Variants in USP50 observed in about 807,000 individuals in gnomAD.
The protein encoded by USP50 is ubiquitin specific peptidase 50, also known as ubiquitin carboxyl-terminal hydrolase 50.
USP50 carries 37 observed loss-of-function variants against 39.2 expected under a neutral mutation model. The observed-to-expected ratio is 0.94, with a 90% CI of 0.73 to 1.24. USP50 has a LOEUF of 1.24. USP50 is among the 50% of genes most tolerant of loss of function. The pLI is 0.00. For missense variants in USP50, 374 were observed against 398.2 expected, an observed-to-expected ratio of 0.94 and a Z score of 0.52; for synonymous variants, 139 against 144.5, an observed-to-expected ratio of 0.96 and a Z score of 0.27.
At chr15:50,500,047 G>A (rs991352062), downstream of USP50, 3 of 151,986 alleles carry the variant, frequency 2.0e-5, no homozygotes, top group African/African-American at 4.8e-5. Context: ...TTATTTAACC[G>A]AGGGACTCAG....
chr15:50,506,465 C>T (rs943503159), intron 6 of USP50: 1 of 152,122 alleles, frequency 6.6e-6, no homozygotes, highest in African/African-American at 2.4e-5. Context: ...CGGCCCCCAT[C>T]CATGGGAAAA....
intron 5 of USP50, among the ~76,000 whole-genome samples, chr15:50,530,204 C>T (rs2052929427): frequency 6.6e-6 from 1 of 152,030 alleles, no homozygotes; most frequent in South Asian, 2.1e-4. Context: ...ATCACCTGAG[C>T]ATAGGGAGGC....
chr15:50,493,636 T>G, downstream of USP50: 1 of 387,292 alleles, frequency 2.6e-6, no homozygotes, highest in South Asian at 1.9e-5. Flanking sequence ...TCCCTGCTAC[T>G]TGGGAGGCTA....
intron 6 of USP50, among the ~76,000 whole-genome samples, chr15:50,529,310 G>C (rs577736256): frequency 6.8e-6 from 1 of 147,724 alleles, no homozygotes; most frequent in Non-Finnish European, 1.5e-5. Flanking sequence ...AGGAGTTCAA[G>C]ACCAGCATGG....
Position 50,544,759 on chromosome 15 carries a change from C to A in USP50, c.76G>T (p.Asp26Tyr). Residue 26 changes from aspartate (D) to tyrosine (Y), a missense_variant, in exon 2 of 7, where the codon GAT (aspartate) becomes TAT (tyrosine). Transcript: ENST00000532404. The part of the protein sequence containing the change: ...HVLAECTDYY[D>Y]TLPVKEADGN... ...TCAGCCTCCTTAACTGGAAGGGTAT[C>A]ATAGTAATCTGTGCACTCTGCACTG... 3 of 1,613,954 alleles carry A rather than the reference C, an allele frequency of 1.9e-6. No homozygotes were observed. Among genetic ancestry groups the A allele is most frequent in the Non-Finnish European group, 2.5e-6 (3 of 1,179,878 alleles).
At chr15:50,512,870 T>C (rs971585907) in intron 6 of USP50, 3 of 152,144 alleles carry the variant, frequency 2.0e-5, no homozygotes, top group Non-Finnish European at 4.4e-5. Flanking sequence ...GAACTATCTC[T>C]AAGAACTTCT....
At chr15:50,542,462 G>GT (rs889254066) in intron 3 of USP50, among the ~76,000 whole-genome samples, 8,853 of 107,720 alleles carry the variant, frequency 0.082, 396 homozygotes, top group African/African-American at 0.16. Context: ...ATATGTTTTT[G>GT]TTTTTTTTTT....
At chr15:50,545,132 A>G (rs1385296093) in intron 1 of USP50, among the ~76,000 whole-genome samples, 1 of 152,168 alleles carries the variant, frequency 6.6e-6, no homozygotes, top group Non-Finnish European at 1.5e-5. Flanking sequence ...AACTGTGAAC[A>G]AGTACCTGAA....
chr15:50,544,574 C>T lies in USP50; in HGVS notation c.248+13G>A. Reference sequence around the variant, plus strand: ...GGTGGGGGCTGGGCTGCAGGGAATGCAAATGGTCTTACTTTTGCAGAGCGG... The same window carrying T: ...GGTGGGGGCTGGGCTGCAGGGAATGTAAATGGTCTTACTTTTGCAGAGCGG... On this transcript the variant is annotated intron_variant, in intron 2 of 6. Coordinates refer to ENST00000532404, the MANE Select transcript of USP50 (RefSeq NM_203494.5). 6.2e-7 allele frequency: 1 copy of T among 1,608,958 alleles called. No homozygotes were observed. The highest frequency in any genetic ancestry group is 8.5e-7 in the Non-Finnish European group (1 of 1,177,258).
chr15:50,500,741 C>T lies in USP50; in HGVS notation c.*28G>A. ...TTTTGAACAGAAGTATCTGGAATCT[C>T]ACTGACTCGTGTGTTATCAAAGCTA... On this transcript the variant is annotated 3_prime_UTR_variant, in exon 7 of 7. Coordinates refer to ENST00000532404, the MANE Select transcript of USP50 (RefSeq NM_203494.5). 1 of 1,567,172 alleles carries T rather than the reference C, an allele frequency of 6.4e-7. No homozygotes were observed. Among genetic ancestry groups the T allele is most frequent in the Non-Finnish European group, 8.7e-7 (1 of 1,154,130 alleles).
chr15:50,500,408 TG>T (rs1274004740), downstream of USP50: 1 of 173,496 alleles, frequency 5.8e-6, no homozygotes, highest in African/African-American at 2.3e-5. Context: ...ACTATATAAT[TG>T]CAGTGTTTTG....
At chr15:50,544,986 C>G (rs1225567787) in intron 1 of USP50, among the ~76,000 whole-genome samples, 1 of 152,024 alleles carries the variant, frequency 6.6e-6, no homozygotes, top group African/African-American at 2.4e-5. Flanking sequence ...ACCTGTAATC[C>G]CAGCCCTTTG....
chr15:50,522,723 C>G (rs2052859746), intron 6 of USP50, among the ~76,000 whole-genome samples: 1 of 151,892 alleles, frequency 6.6e-6, no homozygotes, highest in African/African-American at 2.4e-5. Context: ...TACAATGGTG[C>G]AGACCTCCAC....
chr15:50,539,392 T>G (rs200834231), intron 4 of USP50, among the ~76,000 whole-genome samples: 5 of 69,418 alleles, frequency 7.2e-5, no homozygotes, highest in Non-Finnish European at 1.1e-4. Context: ...AACTTTTCTG[T>G]TTTTTTTTTT....
chr15:50,521,749 G>A (rs1291101877), intron 6 of USP50, among the ~76,000 whole-genome samples: 2 of 151,924 alleles, frequency 1.3e-5, no homozygotes, highest in African/African-American at 2.4e-5. Flanking sequence ...GATCACTTGA[G>A]GTCAGGAGTT....
chr15:50,544,115 T>C, intron 2 of USP50: 1 of 317,404 alleles, frequency 3.2e-6, no homozygotes. Flanking sequence ...TTGGGAGGGG[T>C]GGATCACTTG....
chr15:50,498,639 G>A (rs1566895315), downstream of USP50: 3 of 1,612,624 alleles, frequency 1.9e-6, no homozygotes, highest in Non-Finnish European at 2.5e-6. Context: ...ACAGACATCT[G>A]TGGACTTCCC....
At position 50,535,166 on chromosome 15, in the gene USP50, A is replaced by AC. The variant is rs1207671070; in HGVS notation, c.803+3542_803+3543insG. On this transcript the variant is annotated intron_variant, in intron 5 of 6. Transcript: ENST00000532404. ...ACACACACACACACACACACACACA[A>AC]AAATTGATAGAAGTGCAAGGAGAAA... Among the ~76,000 whole-genome samples the AC allele has an allele frequency of 6.4e-3, 960 of 149,410 alleles. 9 individuals are homozygous for AC. Among genetic ancestry groups the AC allele is most frequent in the South Asian group, 0.016 (77 of 4,778 alleles).
chr15:50,494,191 A>G (rs761111109), intron 1 of USP50: 3 of 1,613,996 alleles, frequency 1.9e-6, no homozygotes, highest in Non-Finnish European at 2.5e-6. Flanking sequence ...CATTGGGAAG[A>G]TCAATGACCA....
Sources: allele counts gnomAD v4.1 joint callset (sites outside exome capture counted in the v4.1 genomes callset), GRCh38; gene constraint gnomAD v4.1.1; transcripts MANE v1.5; gene names NCBI Gene and HGNC (gene_info 2026-07-23, HGNC 2026-07-21).